ACACA: variants seen among roughly 807,000 people sequenced by gnomAD.
ACACA encodes the protein acetyl-CoA carboxylase alpha, also known as acetyl-CoA carboxylase 1.
ACACA carries 103 observed loss-of-function variants against 296.1 expected under a neutral mutation model. The ratio of observed to expected loss-of-function variants is 0.35; its 90% CI spans 0.30 to 0.41. ACACA has a LOEUF of 0.41. ACACA is among the 10% of genes least tolerant of loss of function. The probability of loss-of-function intolerance (pLI) is 1.00; values close to 1 mark genes in which losing one functional copy is unlikely to be tolerated. For missense variants in ACACA, 1,554 were observed against 2,989.7 expected (o/e 0.52, Z 11.20); for synonymous variants, 953 against 1,038.6 (o/e 0.92, Z 1.58).
At chr17:37,126,515 T>C (rs2074793950) in intron 47 of ACACA, among the ~76,000 whole-genome samples, 1 of 152,186 alleles carries the variant, frequency 6.6e-6, no homozygotes, top group Non-Finnish European at 1.5e-5. Flanking sequence ...AAAAAAAACT[T>C]TTGTTCCACA....
intron 41 of ACACA, among the ~76,000 whole-genome samples, chr17:37,172,102 G>T (rs566773046): frequency 2.6e-5 from 4 of 152,204 alleles, no homozygotes; most frequent in Admixed American, 1.3e-4. Flanking sequence ...TTGACATAGG[G>T]TACTATGTCA....
rs931713130 is a variant in ACACA, at chr17:37,277,836, C to T, written c.720+60G>A. On this transcript the variant is annotated intron_variant, in intron 6 of 55. Coordinates refer to ENST00000616317, the MANE Select transcript of ACACA (RefSeq NM_198834.3). Reference sequence around the variant, plus strand: ...AAAAATGTTCTTCTCTAGATATCCCCTTGTGCCTAACTATAAAATGGCTGA... The same window carrying T: ...AAAAATGTTCTTCTCTAGATATCCCTTTGTGCCTAACTATAAAATGGCTGA... 4 of 1,314,922 alleles carry T rather than the reference C, an allele frequency of 3.0e-6. No homozygotes were observed. In the Admixed American group the frequency reaches 5.1e-5, roughly 17 times the overall value. The allele number at this position is 1,314,922 out of a possible 1,614,324, so 81.5% of individuals were successfully genotyped here.
At chr17:37,182,832 T>C (rs2077376587) in intron 39 of ACACA, among the ~76,000 whole-genome samples, 1 of 152,210 alleles carries the variant, frequency 6.6e-6, no homozygotes, top group African/African-American at 2.4e-5. Flanking sequence ...TGTAAATCCT[T>C]AGCCCCTTAG....
At chr17:37,337,837 C>T (rs967070677) in intron 2 of ACACA, among the ~76,000 whole-genome samples, 1 of 152,102 alleles carries the variant, frequency 6.6e-6, no homozygotes, top group African/African-American at 2.4e-5. Context: ...GTGGCTCACG[C>T]CTGTAATCCC....
chr17:37,322,948 T>G (rs2047424965), intron 3 of ACACA, among the ~76,000 whole-genome samples: 1 of 152,224 alleles, frequency 6.6e-6, no homozygotes, highest in Admixed American at 6.5e-5. Flanking sequence ...GTGATCCAAT[T>G]TTTCTGGTAC....
At chr17:37,105,890 A>C (rs1373463101) in intron 52 of ACACA, among the ~76,000 whole-genome samples, 2 of 151,878 alleles carry the variant, frequency 1.3e-5, no homozygotes, top group African/African-American at 4.8e-5. Context: ...AGAAAGAAAG[A>C]AAGAAAGCAA....
chr17:37,339,421 G>A (rs1477472987), intron 2 of ACACA, among the ~76,000 whole-genome samples: 1 of 152,200 alleles, frequency 6.6e-6, no homozygotes, highest in African/African-American at 2.4e-5. Context: ...TTCACTAAAC[G>A]GTTACATAGA....
chr17:37,216,155 C>T (rs1216320628), intron 29 of ACACA, among the ~76,000 whole-genome samples: 2 of 134,534 alleles, frequency 1.5e-5, no homozygotes, highest in Non-Finnish European at 3.1e-5. Context: ...CACACACACA[C>T]ACAACATACA....
At chr17:37,347,726 A>G (rs2048692738) in intron 1 of ACACA, among the ~76,000 whole-genome samples, 1 of 151,290 alleles carries the variant, frequency 6.6e-6, no homozygotes, top group African/African-American at 2.4e-5. Flanking sequence ...AACAAAGCAT[A>G]ACGCCATCCC....
intron 3 of ACACA, among the ~76,000 whole-genome samples, chr17:37,289,034 G>A (rs112649169): frequency 0.043 from 6,577 of 152,120 alleles, 477 homozygotes; most frequent in African/African-American, 0.15. Flanking sequence ...AGGCTGAGGC[G>A]GATGGATCAC....
chr17:37,144,052 T>C, intron 45 of ACACA: 1 of 769,396 alleles, frequency 1.3e-6, no homozygotes, highest in Non-Finnish European at 2.4e-6. Context: ...TGTCTCCCCT[T>C]CAGGAGGGAC....
intron 33 of ACACA, among the ~76,000 whole-genome samples, chr17:37,205,292 A>C (rs2078446852): frequency 6.6e-6 from 1 of 152,124 alleles, no homozygotes. Context: ...GGTGAAGCAA[A>C]ATGATGGAAA....
At chr17:37,188,541 G>T in intron 38 of ACACA, 61 bp from the exon 39 acceptor site, 1 of 1,569,300 alleles carries the variant, frequency 6.4e-7, no homozygotes. Context: ...ACCTGTTTCA[G>T]GTCTGCTCAT....
intron 1 of ACACA, among the ~76,000 whole-genome samples, chr17:37,364,213 C>T (rs1335593881): frequency 6.6e-6 from 1 of 151,672 alleles, no homozygotes; most frequent in Non-Finnish European, 1.5e-5. Context: ...AGCAGAATCA[C>T]TTGAACCCAG....
intron 14 of ACACA, among the ~76,000 whole-genome samples, chr17:37,254,635 A>G (rs2081143654): frequency 6.6e-6 from 1 of 152,154 alleles, no homozygotes; most frequent in African/African-American, 2.4e-5. Context: ...CTTGGACCTC[A>G]CTGTATTGCC....
At chr17:37,278,545 C>G in intron 5 of ACACA, among the ~76,000 whole-genome samples, 1 of 152,176 alleles carries the variant, frequency 6.6e-6, no homozygotes, top group Non-Finnish European at 1.5e-5. Flanking sequence ...TTGTAAGAAA[C>G]TTTAGAAAGA....
intron 19 of ACACA, 103 bp downstream of exon 19, chr17:37,246,723 G>A: frequency 3.4e-6 from 5 of 1,482,302 alleles, no homozygotes; most frequent in Non-Finnish European, 4.7e-6. Flanking sequence ...ACAAGCCACT[G>A]TGCCCAGCCT....
intron 41 of ACACA, among the ~76,000 whole-genome samples, chr17:37,176,380 A>C (rs2077117019): frequency 6.6e-6 from 1 of 152,224 alleles, no homozygotes; most frequent in Non-Finnish European, 1.5e-5. Context: ...ATTTACATTG[A>C]GCCTTGGCTT....
At chr17:37,228,093 T>C (rs183987696) in intron 25 of ACACA, among the ~76,000 whole-genome samples, 4 of 151,292 alleles carry the variant, frequency 2.6e-5, no homozygotes, top group African/African-American at 9.7e-5. Flanking sequence ...GAAGTATAAA[T>C]AAATGCAGTA....
Sources: gnomAD v4.1 joint callset for allele counts (sites outside exome capture counted in the v4.1 genomes callset) on GRCh38, gnomAD v4.1.1 for gene constraint, MANE v1.5 for transcripts, NCBI Gene and HGNC (gene_info 2026-07-23, HGNC 2026-07-21) for gene names.